The following VWA8 variants were observed in gnomAD, a reference collection of about 807,000 sequenced individuals.
The protein encoded by VWA8 is von Willebrand factor A domain-containing protein 8.
A neutral mutation model predicts 241.5 loss-of-function variants in VWA8; 221 were observed. The ratio of observed to expected loss-of-function variants is 0.91; its 90% CI spans 0.82 to 1.02. The LOEUF (loss-of-function observed/expected upper bound fraction) is 1.02, where lower values mean the gene tolerates loss of function less well. VWA8 is among the 50% of genes least tolerant of loss of function. The pLI, the probability that VWA8 is intolerant of heterozygous loss-of-function variation, is 0.00. For missense variants in VWA8, 2,322 were observed against 2,328.7 expected, an observed-to-expected ratio of 1.00 and a Z score of 0.06; for synonymous variants, 852 against 827.1, an observed-to-expected ratio of 1.03 and a Z score of -0.52.
At chr13:41,951,552 A>G (rs1159210098) in intron 1 of VWA8, among the ~76,000 whole-genome samples, 1 of 152,248 alleles carries the variant, frequency 6.6e-6, no homozygotes, top group East Asian at 1.9e-4. Context: ...GCCGAGGACT[A>G]AACTGAATAA....
chr13:41,786,114 A>T (rs368574980), intron 18 of VWA8, among the ~76,000 whole-genome samples: 6 of 152,298 alleles, frequency 3.9e-5, no homozygotes, highest in African/African-American at 1.4e-4. Context: ...TACATTTGTC[A>T]AGTTTCTCAG....
intron 42 of VWA8, among the ~76,000 whole-genome samples, chr13:41,581,920 A>G (rs995427446): frequency 6.6e-6 from 1 of 152,214 alleles, no homozygotes; most frequent in African/African-American, 2.4e-5. Context: ...ATTGGAATGA[A>G]GGTTAAGGAA....
intron 5 of VWA8, 47 bp downstream of exon 5, chr13:41,891,373 C>G: frequency 1.2e-6 from 2 of 1,609,600 alleles, no homozygotes; most frequent in Non-Finnish European, 1.7e-6. Flanking sequence ...ATGGCACTGC[C>G]CATAGCTTGA....
At chr13:41,744,982 T>C (rs1317861579) in intron 21 of VWA8, among the ~76,000 whole-genome samples, 3 of 151,860 alleles carry the variant, frequency 2.0e-5, no homozygotes, top group African/African-American at 7.3e-5. Flanking sequence ...GGAGTACAGG[T>C]ACCCACCACC....
chr13:41,911,062 CTTTT>C (rs5803108), intron 3 of VWA8, among the ~76,000 whole-genome samples: 8 of 97,932 alleles, frequency 8.2e-5, no homozygotes, highest in Non-Finnish European at 1.1e-4. Context: ...CATTTTCTTT[CTTTT>C]TTTTTTTTTT....
At position 41,645,341 on chromosome 13, in the gene VWA8, G is replaced by A. The variant is rs754367188; in HGVS notation, c.4611+25605C>T. ...ATTAGCATTGGGAAAAAATAACTCC[G>A]GATTTTCATCAAGGATATTTTCTGA... On this transcript the variant is annotated intron_variant, in intron 37 of 44. Transcript: ENST00000379310. 5.9e-5 allele frequency among the ~76,000 whole-genome samples: 9 copies of A among 152,202 alleles called. No homozygotes were observed. In the East Asian group the frequency reaches 1.3e-3, roughly 23 times the overall value.
intron 4 of VWA8, among the ~76,000 whole-genome samples, chr13:41,891,930 C>A (rs2138085994): frequency 6.6e-6 from 1 of 152,270 alleles, no homozygotes; most frequent in East Asian, 1.9e-4. Context: ...ACAGATTCCA[C>A]AACTGGAAAA....
At chr13:41,957,227 G>T (rs186359045) in intron 1 of VWA8, among the ~76,000 whole-genome samples, 19 of 152,272 alleles carry the variant, frequency 1.2e-4, no homozygotes, top group African/African-American at 4.1e-4. Context: ...TTTTTCCTGT[G>T]CTGTTCTCGT....
Position 41,582,207 on chromosome 13 carries a change from C to T in VWA8, c.5271+5305G>A, listed in dbSNP as rs1018722300. ...TGTGTCTTGCCACTGAATTACCTTT[C>T]CTTCTCAGTAATTCTTGCTCTAGGG... On this transcript the variant is annotated intron_variant, in intron 42 of 44. Coordinates refer to ENST00000379310, the MANE Select transcript of VWA8 (RefSeq NM_015058.2). Among the ~76,000 whole-genome samples, 10 of 152,146 alleles carry T rather than the reference C, an allele frequency of 6.6e-5. No homozygotes were observed. In the East Asian group the frequency reaches 1.9e-3, roughly 29 times the overall value.
intron 12 of VWA8, among the ~76,000 whole-genome samples, chr13:41,851,151 T>G (rs1047915229): frequency 5.3e-5 from 8 of 152,154 alleles, no homozygotes; most frequent in African/African-American, 1.9e-4. Flanking sequence ...CTTTGTACCC[T>G]TTGACTAACA....
chr13:41,570,438 C>T (rs750121901), intron 44 of VWA8, 30 bp downstream of exon 44: 1 of 1,588,158 alleles, frequency 6.3e-7, no homozygotes, highest in South Asian at 1.1e-5. Flanking sequence ...TCTGTACCTG[C>T]CCTTTTCTGT....
intron 9 of VWA8, among the ~76,000 whole-genome samples, chr13:41,881,296 G>C (rs1311514097): frequency 7.3e-6 from 1 of 136,402 alleles, no homozygotes; most frequent in Non-Finnish European, 1.5e-5. Flanking sequence ...TCCTTTTAGA[G>C]AGCATGGTAT....
At chr13:41,722,866 G>A (rs1482747195) in intron 24 of VWA8, among the ~76,000 whole-genome samples, 1 of 152,048 alleles carries the variant, frequency 6.6e-6, no homozygotes, top group African/African-American at 2.4e-5. Context: ...TAGAGGAAGT[G>A]GATAGAGCAG....
chr13:41,589,904 G>A (rs908113839), intron 41 of VWA8, among the ~76,000 whole-genome samples: 3 of 152,182 alleles, frequency 2.0e-5, no homozygotes, highest in African/African-American at 7.2e-5. Context: ...AAGAAGAAGG[G>A]TACATAAGCA....
At chr13:41,698,782 T>C (rs963814466) in intron 29 of VWA8, among the ~76,000 whole-genome samples, 11 of 152,172 alleles carry the variant, frequency 7.2e-5, no homozygotes. Context: ...CTCCCCAAAA[T>C]GAGTGTAAGC....
chr13:41,691,433 A>C lies in VWA8; in HGVS notation c.3753T>G (p.Thr1251=). 6.2e-7 allele frequency: 1 copy of C among 1,612,354 alleles called. No homozygotes were observed. The highest frequency in any genetic ancestry group is 8.5e-7 in the Non-Finnish European group (1 of 1,178,860). The change falls in exon 32 of 45, where the codon ACT becomes ACG. Residue 1251 remains threonine, a synonymous_variant. Transcript: ENST00000379310. ...TTCGCCCTTCTAGAACATCCAGCACAGTCAGGCTGTTCCTGGAAAAGAAGA... is the reference window on the plus strand; with the variant it reads ...TTCGCCCTTCTAGAACATCCAGCACCGTCAGGCTGTTCCTGGAAAAGAAGA... ...VFYKEKGNSL[T]VLDVLEGRTH...
At chr13:41,839,063 A>T (rs1438656111) in intron 12 of VWA8, among the ~76,000 whole-genome samples, 1 of 152,164 alleles carries the variant, frequency 6.6e-6, no homozygotes, top group African/African-American at 2.4e-5. Flanking sequence ...ATCCTTGAGG[A>T]ATTGCCACAC....
intron 9 of VWA8, among the ~76,000 whole-genome samples, chr13:41,871,803 TC>T (rs1384237832): frequency 2.0e-5 from 3 of 152,204 alleles, no homozygotes; most frequent in Non-Finnish European, 2.9e-5. Context: ...TGATTTATAG[TC>T]CTTTGGGTAT....
At chr13:41,643,073 C>T (rs2044807291) in intron 37 of VWA8, among the ~76,000 whole-genome samples, 1 of 152,176 alleles carries the variant, frequency 6.6e-6, no homozygotes, top group South Asian at 2.1e-4. Context: ...AGACTCTAGG[C>T]AAAGGTGATC....
Sources: gnomAD v4.1 joint callset for allele counts (sites outside exome capture counted in the v4.1 genomes callset) on GRCh38, gnomAD v4.1.1 for gene constraint, MANE v1.5 for transcripts, NCBI Gene and HGNC (gene_info 2026-07-23, HGNC 2026-07-21) for gene names.